Variants in DNAH14 observed in about 807,000 individuals in gnomAD.
DNAH14 encodes the protein axonemal beta dynein heavy chain 14.
DNAH14 carries 478 observed loss-of-function variants against 520.9 expected under a neutral mutation model. The observed-to-expected ratio is 0.92, with a 90% CI of 0.85 to 0.99. DNAH14 has a LOEUF of 0.99. Ranked by LOEUF, DNAH14 falls within the 50% of genes least tolerant of loss-of-function variation. The pLI, the probability that DNAH14 is intolerant of heterozygous loss-of-function variation, is 0.00. For synonymous variants in DNAH14, 1,581 were observed against 1,757.2 expected (o/e 0.90, Z 2.51); for missense variants, 4,831 against 5,234.5 (o/e 0.92, Z 2.38).
intron 27 of DNAH14, among the ~76,000 whole-genome samples, chr1:225,135,181 C>T (rs2078845367): frequency 6.6e-6 from 1 of 151,520 alleles, no homozygotes; most frequent in African/African-American, 2.4e-5. Flanking sequence ...TTGGTTATTT[C>T]TTCTCTTCTG....
intron 38 of DNAH14, among the ~76,000 whole-genome samples, chr1:225,194,541 A>G (rs2085876358): frequency 6.6e-6 from 1 of 152,292 alleles, no homozygotes; most frequent in East Asian, 1.9e-4. Context: ...CTCAAGATAG[A>G]TTAATGATTT....
At chr1:224,945,547 C>T (rs2489301) in intron 1 of DNAH14, among the ~76,000 whole-genome samples, 39,877 of 128,794 alleles carry the variant, frequency 0.31, 8,083 homozygotes, top group African/African-American at 0.59. Flanking sequence ...CTGTGTTCCT[C>T]TGGAGGAGGC....
At chr1:225,054,958 T>G (rs988023737) in intron 17 of DNAH14, among the ~76,000 whole-genome samples, 1 of 152,150 alleles carries the variant, frequency 6.6e-6, no homozygotes, top group East Asian at 1.9e-4. Flanking sequence ...AATGCACTTT[T>G]TTTCCATTTC....
At chr1:225,167,133 A>C (rs1019960483) in intron 35 of DNAH14, among the ~76,000 whole-genome samples, 1 of 152,210 alleles carries the variant, frequency 6.6e-6, no homozygotes, top group African/African-American at 2.4e-5. Context: ...TTGATCTTTT[A>C]AAAAATTCTG....
In DNAH14 at chr1:225,018,706, A is replaced by C. The variant is rs147539423; in HGVS notation, c.1108-4909A>C. Reference sequence around the variant, plus strand: ...CCTTCTGGCTAACAGCAGTCCTTTTAGCAGAAACCTTACAAGTCTACAGAG... The same window carrying C: ...CCTTCTGGCTAACAGCAGTCCTTTTCGCAGAAACCTTACAAGTCTACAGAG... On this transcript the variant is annotated intron_variant, in intron 10 of 85. Coordinates refer to ENST00000682510, the MANE Select transcript of DNAH14 (RefSeq NM_001367479.1). 2.1e-3 allele frequency among the ~76,000 whole-genome samples: 317 copies of C among 152,352 alleles called. 1 individual carries two copies. Among genetic ancestry groups the C allele is most frequent in the African/African-American group, 7.3e-3 (303 of 41,590 alleles).
intron 37 of DNAH14, among the ~76,000 whole-genome samples, chr1:225,189,737 T>A (rs2085179418): frequency 6.6e-6 from 1 of 152,026 alleles, no homozygotes; most frequent in Non-Finnish European, 1.5e-5. Flanking sequence ...TGTTTTTGTT[T>A]CTTCACTATG....
Position 225,252,286 on chromosome 1 carries a change from T to A in DNAH14, c.6749-15T>A, listed in dbSNP as rs630120. ...GAACCCCTTTCTTAGTTGAATTTAT[T>A]ATTTTCGGTTGTAGGCATCAACCTA... On this transcript the variant is annotated splice_polypyrimidine_tract_variant and intron_variant, in intron 43 of 85. Coordinates refer to ENST00000682510, the MANE Select transcript of DNAH14 (RefSeq NM_001367479.1). 2 of 1,403,136 alleles carry A rather than the reference T, an allele frequency of 1.4e-6. No homozygotes were observed. The highest frequency in any genetic ancestry group is 5.0e-5 in the East Asian group (2 of 39,966). The allele number at this position is 1,403,136 out of a possible 1,614,324, so 86.9% of individuals were successfully genotyped here.
chr1:225,264,327 A>G (rs2093039864), intron 47 of DNAH14, 66 bp downstream of exon 47: 4 of 1,203,480 alleles, frequency 3.3e-6, no homozygotes, highest in Middle Eastern at 2.0e-4. Context: ...TGTGTATATT[A>G]TTTCTTACAT....
At chr1:225,183,501 G>T (rs1375967640) in intron 36 of DNAH14, among the ~76,000 whole-genome samples, 1 of 152,030 alleles carries the variant, frequency 6.6e-6, no homozygotes, top group Non-Finnish European at 1.5e-5. Flanking sequence ...GCACCCAACT[G>T]TACTATAAAA....
rs142008808 is a variant in DNAH14, at chr1:224,935,875, G to T, written c.-34+6040G>T. On this transcript the variant is annotated intron_variant, in intron 1 of 85. Coordinates refer to ENST00000682510, the MANE Select transcript of DNAH14 (RefSeq NM_001367479.1). ...TCAAGTATCTTTTTTGGCCACATTG[G>T]AATAAAACTAGAAAGTAATAAGAAC... Among the ~76,000 whole-genome samples the T allele has an allele frequency of 5.9e-3, 895 of 151,554 alleles. 11 individuals are homozygous for T. Among genetic ancestry groups the T allele is most frequent in the African/African-American group, 0.021 (858 of 41,426 alleles).
At chr1:225,029,055 C>T (rs1201865743) in intron 11 of DNAH14, among the ~76,000 whole-genome samples, 3 of 151,938 alleles carry the variant, frequency 2.0e-5, no homozygotes, top group Non-Finnish European at 4.4e-5. Flanking sequence ...ATTTAAATAT[C>T]TATAAGTGGA....
intron 53 of DNAH14, among the ~76,000 whole-genome samples, chr1:225,276,497 A>C (rs550033412): frequency 6.6e-6 from 1 of 152,294 alleles, no homozygotes; most frequent in South Asian, 2.1e-4. Flanking sequence ...TGTTGTGGGC[A>C]AAGATGTGTT....
intron 10 of DNAH14, among the ~76,000 whole-genome samples, chr1:225,021,636 G>A (rs1010377065): frequency 6.6e-6 from 1 of 152,024 alleles, no homozygotes; most frequent in Non-Finnish European, 1.5e-5. Context: ...AATTAGAGAT[G>A]ACACAAACAA....
intron 27 of DNAH14, among the ~76,000 whole-genome samples, chr1:225,138,108 C>A (rs868309548): frequency 2.6e-5 from 4 of 152,188 alleles, no homozygotes; most frequent in African/African-American, 9.7e-5. Flanking sequence ...TGCCCCTCCC[C>A]CTGGGAGTTC....
intron 8 of DNAH14, among the ~76,000 whole-genome samples, chr1:224,996,752 C>T (rs965814301): frequency 1.3e-5 from 2 of 152,154 alleles, no homozygotes; most frequent in African/African-American, 2.4e-5. Context: ...TGATTGAGTT[C>T]TGCAGTTGGA....
At position 225,089,471 on chromosome 1, in the gene DNAH14, C is replaced by T. The variant is rs3120987; in HGVS notation, c.3573+3682C>T. Among the ~76,000 whole-genome samples, 141 of 118,056 alleles carry T rather than the reference C, an allele frequency of 1.2e-3. 3 individuals are homozygous for T. Among genetic ancestry groups the T allele is most frequent in the East Asian group, 7.1e-4 (3 of 4,200 alleles). The allele number at this position is 118,056 out of a possible 152,430, so 77.4% of individuals were successfully genotyped here. The stretch of plus-strand genomic sequence containing the variant: ...AAAAAAAAAAAAAAAAAAAAGAGAG[C>T]GAGAGAAAGAAAAGAAAAGAAAAAA... On this transcript the variant is annotated intron_variant, in intron 21 of 85. Coordinates refer to ENST00000682510, the MANE Select transcript of DNAH14 (RefSeq NM_001367479.1).
Position 225,206,122 on chromosome 1 carries a change from G to C in DNAH14, c.6129G>C (p.Val2043=). ...LTNKIRVIFE[V]DNLSQASPAT... ...ATAAAATAAGAGTGATTTTTGAAGT[G>C]GACAATCTCTCTCAGGCCAGTCCTG... The change falls in exon 40 of 86, where the codon GTG becomes GTC. Residue 2043 remains valine (V), a synonymous_variant. Transcript: ENST00000682510. 1 of 1,551,428 alleles carries C rather than the reference G, an allele frequency of 6.4e-7. No homozygotes were observed. Among genetic ancestry groups the C allele is most frequent in the Non-Finnish European group, 8.7e-7 (1 of 1,146,820 alleles).
chr1:225,350,307 ATACC>A (rs2095347332), intron 71 of DNAH14, among the ~76,000 whole-genome samples: 1 of 152,152 alleles, frequency 6.6e-6, no homozygotes, highest in Non-Finnish European at 1.5e-5. Flanking sequence ...ATAACTGTAA[ATACC>A]TACATTAAAA....
chr1:224,942,224 A>C (rs368566372), intron 1 of DNAH14, among the ~76,000 whole-genome samples: 2 of 152,122 alleles, frequency 1.3e-5, no homozygotes, highest in Non-Finnish European at 2.9e-5. Flanking sequence ...GGTCCTTCAC[A>C]TCCCTTGTAA....
Sources: allele counts gnomAD v4.1 joint callset (sites outside exome capture counted in the v4.1 genomes callset), GRCh38; gene constraint gnomAD v4.1.1; transcripts MANE v1.5; gene names NCBI Gene and HGNC (gene_info 2026-07-23, HGNC 2026-07-21).